Variants in SIRPB1 observed in about 807,000 individuals in gnomAD.
The protein encoded by SIRPB1 is signal-regulatory protein beta-1.
In SIRPB1, 28 loss-of-function variants were observed where a neutral mutation model predicts 34.1. The ratio of observed to expected loss-of-function variants is 0.82; its 90% CI spans 0.61 to 1.12. The LOEUF (loss-of-function observed/expected upper bound fraction) is 1.12. Ranked by LOEUF, SIRPB1 falls within the 50% of genes most tolerant of loss-of-function variation. SIRPB1 has a pLI of 0.00. For synonymous variants in SIRPB1, 211 were observed against 203.8 expected, an observed-to-expected ratio of 1.04 and a Z score of -0.30; for missense variants, 499 against 507.0, an observed-to-expected ratio of 0.98 and a Z score of 0.15.
At chr20:1,574,708 G>A (rs1384743864) in intron 2 of SIRPB1, among the ~76,000 whole-genome samples, 1 of 134,108 alleles carries the variant, frequency 7.5e-6, no homozygotes, top group East Asian at 2.1e-4. Flanking sequence ...CTGTGTGCTT[G>A]TTGATGCCCT....
intron 4 of SIRPB1, among the ~76,000 whole-genome samples, chr20:1,566,890 A>G (rs944034960): frequency 5.9e-5 from 9 of 152,094 alleles, no homozygotes; most frequent in Non-Finnish European, 1.2e-4. Flanking sequence ...TGCTGGCTGG[A>G]AAATTCCCTG....
chr20:1,576,164 T>C (rs2091306197), intron 2 of SIRPB1, among the ~76,000 whole-genome samples: 1 of 147,340 alleles, frequency 6.8e-6, no homozygotes, highest in Admixed American at 6.7e-5. Flanking sequence ...CCACTGGCTG[T>C]GGCTGCCTGG....
Position 1,578,574 on chromosome 20 carries a change from A to G in SIRPB1, c.197T>C (p.Met66Thr), listed in dbSNP as rs767925870. 26 of 1,583,976 alleles carry G rather than the reference A, an allele frequency of 1.6e-5. 3 individuals are homozygous for G. Among genetic ancestry groups the G allele is most frequent in the Non-Finnish European group, 2.2e-5 (26 of 1,157,480 alleles). ...GCCTGCTCCAGCTCCTCTAAACCAC[A>G]TGATGGGCCCCACAGGGATCAGGGA... ...MTSLIPVGPI[M>T]WFRGAGAGRE... Residue 66 changes from methionine to threonine, a missense_variant, in exon 2 of 6, where the codon ATG becomes ACG. Coordinates refer to ENST00000381605, the MANE Select transcript of SIRPB1 (RefSeq NM_006065.5).
rs1568683538 is a variant in SIRPB1 at position 1,571,098 on chromosome 20, G to A, written c.791C>T (p.Ala264Val). The A allele has an allele frequency of 1.9e-6, 3 of 1,614,008 alleles. No homozygotes were observed. Among genetic ancestry groups the A allele is most frequent in the Non-Finnish European group, 2.5e-6 (3 of 1,179,902 alleles). ...TLEVTQQPMR[A>V]ENQANVTCQV... ...GCAGGTGACGTTTGCCTGGTTCTCT[G>A]CCCTCATGGGCTGTTGAGTAACCTC... Residue 264 changes from alanine (A) to valine (V), a missense_variant, in exon 4 of 6, where the codon GCA becomes GTA. Transcript: ENST00000381605.
At position 1,597,596 on chromosome 20, in the gene SIRPB1, C is replaced by T. The variant is rs1302028781; in HGVS notation, c.77-18902G>A. On this transcript the variant is annotated intron_variant, in intron 1 of 5. Transcript: ENST00000381605. ...TCATGATGAATCCATCCCCATGACC[C>T]AAACACCTCCCACCTGACCCCACCT... The T allele has an allele frequency of 2.7e-5, 2 of 75,030 alleles. 1 individual carries two copies. The highest frequency in any genetic ancestry group is 4.0e-5 in the Non-Finnish European group (2 of 49,890). The allele number at this position is 75,030 out of a possible 1,614,324, so 4.6% of individuals were successfully genotyped here. A position where few individuals can be genotyped will look rare whatever the true frequency, so the allele number is the denominator to read the frequency against.
intron 4 of SIRPB1, chr20:1,570,425 G>T (rs772595534): frequency 1.7e-5 from 3 of 177,654 alleles, no homozygotes; most frequent in Admixed American, 5.7e-5. Context: ...ACAAGGTAGA[G>T]GTTAGAAAGT....
At chr20:1,579,951 T>C (rs2091378786) in intron 1 of SIRPB1, among the ~76,000 whole-genome samples, 1 of 148,364 alleles carries the variant, frequency 6.7e-6, no homozygotes, top group African/African-American at 2.4e-5. Context: ...TTAATAATGT[T>C]GTATTGAATT....
intron 1 of SIRPB1, among the ~76,000 whole-genome samples, chr20:1,615,150 G>T (rs550239503): frequency 5.3e-4 from 80 of 152,224 alleles, no homozygotes; most frequent in African/African-American, 1.8e-3. Context: ...AAAATCAACA[G>T]GCCCTCCTGT....
At position 1,562,049 on chromosome 20, in the gene SIRPB1, T is replaced by G. The variant is rs1047781706; in HGVS notation, c.*3451A>C. Among the ~76,000 whole-genome samples, 2 of 152,226 alleles carry G rather than the reference T, an allele frequency of 1.3e-5. No individual in the cohort carries two copies. The highest frequency in any genetic ancestry group is 2.4e-5 in the African/African-American group (1 of 41,458). On this transcript the variant is annotated 3_prime_UTR_variant, in exon 6 of 6. Transcript: ENST00000381605. ...ACTTTGGACTATAACTCATTACTAC[T>G]TTACTTATTTTTTTGCTGAAAGTGT...
At chr20:1,568,234 T>C (rs1600094236) in intron 4 of SIRPB1, among the ~76,000 whole-genome samples, 1 of 152,178 alleles carries the variant, frequency 6.6e-6, no homozygotes, top group Non-Finnish European at 1.5e-5. Flanking sequence ...GAAGAGAGAA[T>C]GCCAAACTGC....
At chr20:1,566,022 T>A in intron 5 of SIRPB1, 131 bp downstream of exon 5, 1 of 614,502 alleles carries the variant, frequency 1.6e-6, no homozygotes, top group Non-Finnish European at 2.9e-6. Context: ...CTCCTGAGTA[T>A]CCTGAGGGAG....
chr20:1,614,965 T>C (rs1231029759), intron 1 of SIRPB1, among the ~76,000 whole-genome samples: 1 of 152,178 alleles, frequency 6.6e-6, no homozygotes, highest in African/African-American at 2.4e-5. Flanking sequence ...TGTTCCAATA[T>C]CAATAATGAC....
At chr20:1,619,770 C>A in intron 1 of SIRPB1, 99 bp downstream of exon 1, 1 of 877,536 alleles carries the variant, frequency 1.1e-6, no homozygotes, top group South Asian at 1.6e-5. Flanking sequence ...CTTGGCCTTT[C>A]TTGGCAGCAC....
chr20:1,573,758 C>G (rs2091275047), intron 2 of SIRPB1, among the ~76,000 whole-genome samples: 1 of 146,456 alleles, frequency 6.8e-6, no homozygotes, highest in Non-Finnish European at 1.5e-5. Context: ...GGGCGAGACT[C>G]TGAGAGGATC....
intron 4 of SIRPB1, among the ~76,000 whole-genome samples, chr20:1,567,277 C>T (rs1009719551): frequency 6.6e-6 from 1 of 151,998 alleles, no homozygotes; most frequent in African/African-American, 2.4e-5. Flanking sequence ...TAAGGGGCAG[C>T]CCACATGAGA....
intron 5 of SIRPB1, among the ~76,000 whole-genome samples, chr20:1,565,941 T>TAATACCCTTGACCATCCCAACTCCTGC (rs2091123384): frequency 6.6e-6 from 1 of 151,996 alleles, no homozygotes; most frequent in African/African-American, 2.4e-5. Context: ...CCACCTCCTG[T>TAATACCCTTGACCATCCCAACTCCTGC]AATACCCTTG....
intron 1 of SIRPB1, among the ~76,000 whole-genome samples, chr20:1,617,412 T>C (rs2091645554): frequency 6.6e-6 from 1 of 152,190 alleles, no homozygotes; most frequent in Non-Finnish European, 1.5e-5. Context: ...GAAGATATTA[T>C]GCTAAGTAAA....
At chr20:1,604,888 T>C (rs2091499920) in intron 1 of SIRPB1, 1 of 610,292 alleles carries the variant, frequency 1.6e-6, no homozygotes, top group South Asian at 3.3e-5. Flanking sequence ...GGACACACTG[T>C]CTCCTGCGGG....
Position 1,564,693 on chromosome 20 carries a change from T to A in SIRPB1, c.*807A>T. The A allele has an allele frequency of 5.2e-6, 2 of 384,808 alleles. No homozygotes were observed. Among genetic ancestry groups the A allele is most frequent in the Middle Eastern group, 6.6e-4 (1 of 1,514 alleles). The allele number at this position is 384,808 out of a possible 1,614,324, so 23.8% of individuals were successfully genotyped here. A position where few individuals can be genotyped will look rare whatever the true frequency, so the allele number is the denominator to read the frequency against. ...AATTTCAGGAATCTTGCAATCTGGT[T>A]GTTTAACTGTTGGCAGTGTGAAATT... On this transcript the variant is annotated 3_prime_UTR_variant, in exon 6 of 6. Transcript: ENST00000381605.
Sources: gnomAD v4.1 joint callset for allele counts (sites outside exome capture counted in the v4.1 genomes callset) on GRCh38, gnomAD v4.1.1 for gene constraint, MANE v1.5 for transcripts, NCBI Gene and HGNC (gene_info 2026-07-23, HGNC 2026-07-21) for gene names.